The following PRL variants were observed in gnomAD, a reference collection of about 807,000 sequenced individuals.
PRL encodes decidual prolactin.
A neutral mutation model predicts 21.3 loss-of-function variants in PRL; 24 were observed. The ratio of observed to expected loss-of-function variants is 1.13; its 90% CI spans 0.82 to 1.59. PRL has a LOEUF of 1.59. PRL is among the 40% of genes most tolerant of loss of function. The pLI, the probability that PRL is intolerant of heterozygous loss-of-function variation, is 0.00. For synonymous variants in PRL, 118 were observed against 115.7 expected, an observed-to-expected ratio of 1.02 and a Z score of -0.13; for missense variants, 243 against 286.9, an observed-to-expected ratio of 0.85 and a Z score of 1.10.
At position 22,292,570 on chromosome 6, in the gene PRL, G is replaced by T; in HGVS notation, c.280C>A (p.Pro94Thr). 6.2e-7 allele frequency: 1 copy of T among 1,614,120 alleles called. No homozygotes were observed. The highest frequency in any genetic ancestry group is 8.5e-7 in the Non-Finnish European group (1 of 1,180,026). The change falls in exon 3 of 5, where the codon CCC becomes ACC. Residue 94 changes from proline (P) to threonine (T), a missense_variant. Transcript: ENST00000306482. ...TGTTGGGCTTGCTCCTTGTCTTCGG[G>T]GGTGGCAAGGGAAGAAGTGTGGCAG... ...NSCHTSSLAT[P>T]EDKEQAQQMN...
Position 22,290,034 on chromosome 6 carries a change from AC to A in PRL, c.492+139del, listed in dbSNP as rs954116041. 4.1e-6 allele frequency: 3 copies of A among 730,738 alleles called. No homozygotes were observed. In the Admixed American group the frequency reaches 1.1e-4, roughly 27 times the overall value. The allele number at this position is 730,738 out of a possible 1,614,324, so 45.3% of individuals were successfully genotyped here. ...GTATGTAAATTTATGACTATGAATGACTAGGCTCTTGCTTTATTTAATAGCG... is the reference window on the plus strand; with the variant it reads ...GTATGTAAATTTATGACTATGAATGATAGGCTCTTGCTTTATTTAATAGCG... On this transcript the variant is annotated intron_variant, in intron 4 of 4. Coordinates refer to ENST00000306482, the MANE Select transcript of PRL (RefSeq NM_000948.6).
At chr6:22,291,232 T>C (rs1054283674) in intron 3 of PRL, among the ~76,000 whole-genome samples, 1 of 151,002 alleles carries the variant, frequency 6.6e-6, no homozygotes, top group African/African-American at 2.4e-5. Flanking sequence ...AGAAATGAGC[T>C]ATAAAGAGGT....
Position 22,288,907 on chromosome 6 carries a change from C to CGA in PRL, c.492+1266_492+1267insTC, listed in dbSNP as rs1561753121. 6.7e-6 allele frequency among the ~76,000 whole-genome samples: 1 copy of CGA among 148,250 alleles called. No individual in the cohort carries two copies. Among genetic ancestry groups the CGA allele is most frequent in the Non-Finnish European group, 1.5e-5 (1 of 67,564 alleles). ...GCGCGTGTGTGTGCGTGTGTGCGCG[C>CGA]GCGTGTGTGTGCGTGCGCGTGTGTG... is the stretch of plus-strand genomic sequence containing the variant. On this transcript the variant is annotated intron_variant, in intron 4 of 4. Coordinates refer to ENST00000306482, the MANE Select transcript of PRL (RefSeq NM_000948.6). This position sits in a 1 kb window ranked among gnomAD's most constrained non-coding sequence, Gnocchi z 4.5.
chr6:22,295,155 C>G (rs563811950), intron 1 of PRL, among the ~76,000 whole-genome samples: 1 of 152,216 alleles, frequency 6.6e-6, no homozygotes, highest in Admixed American at 6.5e-5. Flanking sequence ...TCTGCTAACT[C>G]GTAATAGTCC....
At chr6:22,302,273 C>T (rs370329120), upstream of PRL, among the ~76,000 whole-genome samples, 305 of 151,224 alleles carry the variant, frequency 2.0e-3, 1 homozygote, top group African/African-American at 6.7e-3. Flanking sequence ...AATACACATA[C>T]GCACACACAC....
intron 2 of PRL, among the ~76,000 whole-genome samples, chr6:22,293,408 C>T (rs1761095159): frequency 6.6e-6 from 1 of 151,974 alleles, no homozygotes; most frequent in Admixed American, 6.6e-5. Flanking sequence ...AAAGCGAAAT[C>T]AGAGAGTAAA....
chr6:22,294,322 G>T, intron 2 of PRL, 87 bp downstream of exon 2: 2 of 1,495,332 alleles, frequency 1.3e-6, no homozygotes, highest in East Asian at 2.3e-5. Context: ...AATTTGGCTC[G>T]GGAGGTTTTC....
At chr6:22,293,635 G>GAAAA (rs1248637728) in intron 2 of PRL, among the ~76,000 whole-genome samples, 2 of 48,826 alleles carry the variant, frequency 4.1e-5, no homozygotes, top group East Asian at 6.4e-4. Context: ...GGGAAGGAAG[G>GAAAA]AAGGAAGGAA....
rs184113776 is a variant in PRL at position 22,294,181 on chromosome 6, T to C, written c.204+228A>G. ...ATTTTTTTATTTTTAAAAAATAAAG[T>C]GAATTAAAGAAAAAATTTAAGTCAT... On this transcript the variant is annotated intron_variant, in intron 2 of 4. Transcript: ENST00000306482. Among the ~76,000 whole-genome samples, 4 of 152,304 alleles carry C rather than the reference T, an allele frequency of 2.6e-5. No homozygotes were observed. In the East Asian group the frequency reaches 7.7e-4, roughly 29 times the overall value.
At chr6:22,299,670 A>G (rs906678268), upstream of PRL, among the ~76,000 whole-genome samples, 1 of 151,938 alleles carries the variant, frequency 6.6e-6, no homozygotes, top group Non-Finnish European at 1.5e-5. Flanking sequence ...GAAACCCTGT[A>G]TCTACTAAAA....
chr6:22,299,711 C>T (rs185041840), upstream of PRL, among the ~76,000 whole-genome samples: 144 of 152,034 alleles, frequency 9.5e-4, 1 homozygote, highest in African/African-American at 3.1e-3. Context: ...TGGTGGCAGG[C>T]GCCTGTAGTC....
chr6:22,291,918 C>T (rs1272875616), intron 3 of PRL, among the ~76,000 whole-genome samples: 1 of 152,162 alleles, frequency 6.6e-6, no homozygotes, highest in Admixed American at 6.5e-5. Flanking sequence ...TTGTAGTCAT[C>T]AGAACAGTGG....
chr6:22,288,607 T>G lies in PRL; in HGVS notation c.493-1014A>C, dbSNP rs1042997601. ...GGGCTGTGTGGTAGGGTTGGGGGCA[T>G]GGCTGTGATAACAAAAGGAGGCTGA... On this transcript the variant is annotated intron_variant, in intron 4 of 4. Coordinates refer to ENST00000306482, the MANE Select transcript of PRL (RefSeq NM_000948.6). The surrounding 1 kb of genome is among the most constrained non-coding windows in gnomAD (Gnocchi z 4.5). Among the ~76,000 whole-genome samples, 2 of 151,726 alleles carry G rather than the reference T, an allele frequency of 1.3e-5. No individual in the cohort carries two copies. Among genetic ancestry groups the G allele is most frequent in the African/African-American group, 4.8e-5 (2 of 41,290 alleles).
In PRL at chr6:22,288,049, T is replaced by C. The variant is rs1760960268; in HGVS notation, c.493-456A>G. Among the ~76,000 whole-genome samples the C allele has an allele frequency of 6.6e-6, 1 of 152,182 alleles. No homozygotes were observed. The highest frequency in any genetic ancestry group is 2.1e-4 in the South Asian group (1 of 4,822). ...CAATCTATTGCCTATCTAGTGTATG[T>C]TCCAAAAACTTTAAAAAAGATGAAG... On this transcript the variant is annotated intron_variant, in intron 4 of 4. Coordinates refer to ENST00000306482, the MANE Select transcript of PRL (RefSeq NM_000948.6). The surrounding 1 kb of genome is among the most constrained non-coding windows in gnomAD (Gnocchi z 4.5).
At position 22,293,255 on chromosome 6, in the gene PRL, A is replaced by C. The variant is rs144703279; in HGVS notation, c.205-610T>G. Among the ~76,000 whole-genome samples, 176 of 152,274 alleles carry C rather than the reference A, an allele frequency of 1.2e-3. 2 individuals are homozygous for C. In the East Asian group the frequency reaches 0.031, roughly 27 times the overall value. On this transcript the variant is annotated intron_variant, in intron 2 of 4. Transcript: ENST00000306482. Reference sequence around the variant, plus strand: ...GCACACAATTTTAGGAAATATAAACAATGGACTGAGGATAAGAACAGAATA... The same window carrying C: ...GCACACAATTTTAGGAAATATAAACCATGGACTGAGGATAAGAACAGAATA...
rs1442878512 is a variant in PRL at position 22,296,974 on chromosome 6, GATGTTC to G, written c.3_8del (p.MetAsn1_?2). 6.2e-7 allele frequency: 1 copy of G among 1,613,934 alleles called. No homozygotes were observed. Among genetic ancestry groups the G allele is most frequent in the Non-Finnish European group, 8.5e-7 (1 of 1,179,990 alleles). On this transcript the variant is annotated start_lost and inframe_deletion, in exon 1 of 5. Transcript: ENST00000306482. ...ACATACCTTTCCATGGCGATCCTTT[GATGTTC>G]ATGTTCGTGATCGTTGCAGGAAACA...
At chr6:22,290,374 A>G (rs1761027036) in intron 3 of PRL, 21 bp from the exon 4 acceptor site, 1 of 1,525,942 alleles carries the variant, frequency 6.6e-7, no homozygotes. Context: ...ATATAGAACA[A>G]TTGCATTAAA....
Position 22,287,367 on chromosome 6 carries a change from G to A in PRL, c.*35C>T. On this transcript the variant is annotated 3_prime_UTR_variant, in exon 5 of 5. Coordinates refer to ENST00000306482, the MANE Select transcript of PRL (RefSeq NM_000948.6). ...AGCTTGCAATGGAACGGATCATTAA[G>A]GACCTTCTCAGAAATAGATGAAATG... is the stretch of plus-strand genomic sequence containing the variant. The A allele has an allele frequency of 6.3e-7, 1 of 1,577,144 alleles. No individual in the cohort carries two copies. Among genetic ancestry groups the A allele is most frequent in the Non-Finnish European group, 8.7e-7 (1 of 1,152,216 alleles).
At chr6:22,290,101 G>T in intron 4 of PRL, 73 bp downstream of exon 4, 1 of 1,349,510 alleles carries the variant, frequency 7.4e-7, no homozygotes, top group Non-Finnish European at 9.7e-7. Context: ...CTTTCAAAGG[G>T]AAATATTTAT....
Sources: gnomAD v4.1 joint callset for allele counts (sites outside exome capture counted in the v4.1 genomes callset) on GRCh38, gnomAD v4.1.1 for gene constraint, Gnocchi (gnomAD v3.1) non-coding constraint, MANE v1.5 for transcripts, NCBI Gene and HGNC (gene_info 2026-07-23, HGNC 2026-07-21) for gene names.